The following CSMD3 variants were observed in gnomAD, a reference collection of about 807,000 sequenced individuals.
The protein encoded by CSMD3 is CUB and sushi domain-containing protein 3.
In CSMD3, 177 loss-of-function variants were observed where a neutral mutation model predicts 435.2. That is an observed-to-expected ratio of 0.41 (90% CI 0.36 to 0.46). CSMD3 has a LOEUF of 0.46. Ranked by LOEUF, CSMD3 falls within the 20% of genes least tolerant of loss-of-function variation. CSMD3 has a pLI of 0.34. For synonymous variants in CSMD3, 1,656 were observed against 1,520.5 expected, an observed-to-expected ratio of 1.09 and a Z score of -2.07; for missense variants, 4,265 against 4,504.6, an observed-to-expected ratio of 0.95 and a Z score of 1.52.
chr8:112,754,460 T>C (rs1199065216), intron 13 of CSMD3, among the ~76,000 whole-genome samples: 1 of 151,940 alleles, frequency 6.6e-6, no homozygotes, highest in African/African-American at 2.4e-5. Flanking sequence ...CCAGCAGTAA[T>C]TTCAAGTGTT....
intron 26 of CSMD3, 24 bp from the exon 27 acceptor site, chr8:112,550,897 G>C (rs1394101974): frequency 1.3e-6 from 2 of 1,545,660 alleles, no homozygotes; most frequent in African/African-American, 2.7e-5. Context: ...ATATTTCTCT[G>C]ATTATTTTAA....
chr8:113,019,372 G>T (rs372472358), intron 5 of CSMD3, among the ~76,000 whole-genome samples, 193 bp from the exon 6 acceptor site: 2 of 152,004 alleles, frequency 1.3e-5, no homozygotes, highest in Non-Finnish European at 2.9e-5. Flanking sequence ...AACACATGCT[G>T]TTCCAATCAG....
chr8:113,351,766 T>C (rs184897792), intron 1 of CSMD3, among the ~76,000 whole-genome samples: 1 of 152,256 alleles, frequency 6.6e-6, no homozygotes, highest in Admixed American at 6.5e-5. Context: ...AAAGTGGTAA[T>C]TAAAGTTTGC....
At chr8:113,001,945 G>T (rs2085880888) in intron 6 of CSMD3, among the ~76,000 whole-genome samples, 2 of 151,974 alleles carry the variant, frequency 1.3e-5, no homozygotes, top group Admixed American at 6.6e-5. Flanking sequence ...ACTACTCTGG[G>T]CAGGTCACAG....
chr8:113,357,462 G>A (rs1230300003), intron 1 of CSMD3, among the ~76,000 whole-genome samples: 1 of 151,800 alleles, frequency 6.6e-6, no homozygotes, highest in African/African-American at 2.4e-5. Context: ...GTGTGACAGG[G>A]GAAATTTATT....
intron 5 of CSMD3, among the ~76,000 whole-genome samples, chr8:113,063,057 A>T (rs1297985171): frequency 2.0e-5 from 3 of 150,842 alleles, no homozygotes; most frequent in African/African-American, 7.3e-5. Context: ...CATTTTTTAA[A>T]TGTTTCCAGA....
At chr8:113,163,360 T>A (rs2092082340) in intron 4 of CSMD3, among the ~76,000 whole-genome samples, 1 of 151,990 alleles carries the variant, frequency 6.6e-6, no homozygotes, top group Non-Finnish European at 1.5e-5. Context: ...ACAAAAGCCA[T>A]TTTAGAAAGA....
chr8:112,843,630 A>G (rs1259289839), intron 11 of CSMD3, among the ~76,000 whole-genome samples: 5 of 151,980 alleles, frequency 3.3e-5, no homozygotes, highest in African/African-American at 1.2e-4. Context: ...CATCAGAAGG[A>G]CTAGACACAT....
chr8:112,420,615 G>GA lies in CSMD3; in HGVS notation c.5396-11584dup, dbSNP rs111366137. On this transcript the variant is annotated intron_variant, in intron 32 of 70. Transcript: ENST00000297405. ...CTTATTTTTAATGACATATATTTGT[G>GA]AAAAAAAATGAGTCTTTTAAAGCAG... Among the ~76,000 whole-genome samples the GA allele has an allele frequency of 9.1e-3, 1,372 of 151,570 alleles. 24 individuals are homozygous for GA. Among genetic ancestry groups the GA allele is most frequent in the African/African-American group, 0.031 (1,262 of 41,350 alleles).
At chr8:113,255,811 T>C (rs1563612828) in intron 3 of CSMD3, among the ~76,000 whole-genome samples, 1 of 151,896 alleles carries the variant, frequency 6.6e-6, no homozygotes, top group East Asian at 1.9e-4. Context: ...TTTCCTATAA[T>C]ATTTAACTAT....
At chr8:113,401,414 TTGA>T (rs1354412812) in intron 1 of CSMD3, among the ~76,000 whole-genome samples, 2 of 151,642 alleles carry the variant, frequency 1.3e-5, no homozygotes, top group Non-Finnish European at 3.0e-5. Flanking sequence ...TTTATAGTCA[TTGA>T]TGATAAAATT....
intron 13 of CSMD3, among the ~76,000 whole-genome samples, chr8:112,728,926 C>T (rs2077021323): frequency 6.6e-6 from 1 of 151,796 alleles, no homozygotes; most frequent in Admixed American, 6.6e-5. Context: ...CATCAGCAAA[C>T]TGAGGGAATT....
rs139565500 is a variant in CSMD3 at position 112,717,274 on chromosome 8, T to C, written c.1973-27224A>G. 4.0e-3 allele frequency among the ~76,000 whole-genome samples: 603 copies of C among 151,726 alleles called. 14 individuals carry two copies. In the East Asian group the frequency reaches 0.074, roughly 19 times the overall value. On this transcript the variant is annotated intron_variant, in intron 13 of 70. Coordinates refer to ENST00000297405, the MANE Select transcript of CSMD3 (RefSeq NM_198123.2). The stretch of plus-strand genomic sequence containing the variant: ...CGGGTGAAGGACATGAACAGATGCT[T>C]CTCAAAAGAAGACATTTTTGTGGCC...
chr8:112,586,052 C>T (rs1000772484), intron 23 of CSMD3, among the ~76,000 whole-genome samples: 3 of 151,512 alleles, frequency 2.0e-5, no homozygotes, highest in Admixed American at 6.6e-5. Context: ...CATCTAGATA[C>T]ATTGTGAGAA....
chr8:112,600,711 A>T (rs1020010234), intron 22 of CSMD3, among the ~76,000 whole-genome samples: 1 of 151,018 alleles, frequency 6.6e-6, no homozygotes, highest in African/African-American at 2.4e-5. Flanking sequence ...TTTGAGACGG[A>T]GTCTCCCTCT....
chr8:113,400,033 T>C (rs2094503006), intron 1 of CSMD3, among the ~76,000 whole-genome samples: 1 of 151,918 alleles, frequency 6.6e-6, no homozygotes, highest in Non-Finnish European at 1.5e-5. Context: ...AAGGCAATGG[T>C]GACAGAGTCT....
intron 35 of CSMD3, among the ~76,000 whole-genome samples, chr8:112,405,764 C>A (rs1227851479): frequency 2.0e-5 from 3 of 151,904 alleles, no homozygotes; most frequent in Non-Finnish European, 2.9e-5. Context: ...TTTTCTAATT[C>A]TTTTGATGAC....
intron 12 of CSMD3, among the ~76,000 whole-genome samples, chr8:112,806,876 C>T (rs1233244073): frequency 6.6e-6 from 1 of 152,138 alleles, no homozygotes; most frequent in Non-Finnish European, 1.5e-5. Flanking sequence ...AATGTGTAAC[C>T]ATGCCGTTTG....
chr8:113,011,531 C>T (rs145792783), intron 6 of CSMD3, among the ~76,000 whole-genome samples: 348 of 151,710 alleles, frequency 2.3e-3, no homozygotes, highest in African/African-American at 8.0e-3. Flanking sequence ...AAAAAGATTG[C>T]CAAATCTAAG....
Sources: gnomAD v4.1 joint callset for allele counts (sites outside exome capture counted in the v4.1 genomes callset) on GRCh38, gnomAD v4.1.1 for gene constraint, MANE v1.5 for transcripts, NCBI Gene and HGNC (gene_info 2026-07-23, HGNC 2026-07-21) for gene names.